The following OR8K3 variants were observed in gnomAD, a reference collection of about 807,000 sequenced individuals.
The protein encoded by OR8K3 is olfactory receptor 8K3.
For missense variants in OR8K3, 448 were observed against 367.4 expected, an observed-to-expected ratio of 1.22 and a Z score of -1.79; for synonymous variants, 167 against 138.8, an observed-to-expected ratio of 1.20 and a Z score of -1.43.
intron 1 of OR8K3, among the ~76,000 whole-genome samples, chr11:56,315,557 T>C (rs987522914): frequency 6.6e-6 from 1 of 152,156 alleles, no homozygotes; most frequent in Non-Finnish European, 1.5e-5. Flanking sequence ...AAACTGCAAC[T>C]ATTTGGTCAG....
Position 56,318,804 on chromosome 11 carries a change from A to T in OR8K3, c.498A>T (p.Leu166Phe). The T allele has an allele frequency of 6.2e-7, 1 of 1,614,080 alleles. No homozygotes were observed. The highest frequency in any genetic ancestry group is 8.5e-7 in the Non-Finnish European group (1 of 1,179,974). The change falls in exon 3 of 3, where the codon TTA (leucine) becomes TTT (phenylalanine). Residue 166 changes from leucine to phenylalanine, a missense_variant. Coordinates refer to ENST00000641662, the MANE Select transcript of OR8K3 (RefSeq NM_001005202.2). ...TAGTCACCATAAAGATTTTTACTTT[A>T]TCCTTCTGTGGCTACAACGTCATTA... ...SLLVTIKIFT[L>F]SFCGYNVISH...
chr11:56,319,326 A>G lies in OR8K3; in HGVS notation c.*81A>G. On this transcript the variant is annotated 3_prime_UTR_variant, in exon 3 of 3. Transcript: ENST00000641662. ...CATACTTCCAGAAGACATAACAAGC[A>G]TAACTGATTCAACATATATTTACAT... is the stretch of plus-strand genomic sequence containing the variant. The G allele has an allele frequency of 1.4e-6, 1 of 703,700 alleles. No individual in the cohort carries two copies. Among genetic ancestry groups the G allele is most frequent in the Non-Finnish European group, 2.4e-6 (1 of 416,120 alleles). 43.6% of individuals were successfully genotyped at this position (703,700 alleles called of 1,614,324 possible). A position where few individuals can be genotyped will look rare whatever the true frequency, so the allele number is the denominator to read the frequency against.
Position 56,320,060 on chromosome 11 carries a change from T to TA in OR8K3, c.*816dup. On this transcript the variant is annotated 3_prime_UTR_variant, in exon 3 of 3. Transcript: ENST00000641662. ...CTTTTTCACAGATTTTCCCGTTATTTATCTAAAAAAAAGTAATAAACTGTG... is the reference window on the plus strand; with the variant it reads ...CTTTTTCACAGATTTTCCCGTTATTTAATCTAAAAAAAAGTAATAAACTGTG... The TA allele has an allele frequency of 6.6e-6, 1 of 152,180 alleles. No homozygotes were observed. Among genetic ancestry groups the TA allele is most frequent in the Non-Finnish European group, 1.5e-5 (1 of 68,026 alleles). The allele number at this position is 152,180 out of a possible 1,614,324, so 9.4% of individuals were successfully genotyped here.
chr11:56,315,512 A>T (rs913922765), intron 1 of OR8K3, among the ~76,000 whole-genome samples: 3 of 152,116 alleles, frequency 2.0e-5, no homozygotes, highest in Non-Finnish European at 2.9e-5. Context: ...GCACAATGAC[A>T]AGGAGATAAA....
Position 56,319,549 on chromosome 11 carries a change from G to C in OR8K3, c.*304G>C, listed in dbSNP as rs1462230086. On this transcript the variant is annotated 3_prime_UTR_variant, in exon 3 of 3. Coordinates refer to ENST00000641662, the MANE Select transcript of OR8K3 (RefSeq NM_001005202.2). ...AAGCTAGTATGCTGGGTGGCAGTAG[G>C]AAACAGTGGTCATTACAGAAGGGAG... The C allele has an allele frequency of 3.7e-6, 1 of 273,950 alleles. No homozygotes were observed. Among genetic ancestry groups the C allele is most frequent in the Non-Finnish European group, 6.9e-6 (1 of 144,434 alleles). 17.0% of individuals were successfully genotyped at this position (273,950 alleles called of 1,614,324 possible).
Position 56,318,569 on chromosome 11 carries a change from A to T in OR8K3, c.263A>T (p.Asp88Val), listed in dbSNP as rs1034673774. 1 of 1,613,278 alleles carries T rather than the reference A, an allele frequency of 6.2e-7. No individual in the cohort carries two copies. The highest frequency in any genetic ancestry group is 1.7e-5 in the Admixed American group (1 of 59,878). ...GPKMLVNFVV[D>V]KNIISYYFCA... ...AAAATGTTAGTAAATTTTGTTGTGG[A>T]TAAGAATATAATTTCTTATTATTTT... The change falls in exon 3 of 3, where the codon GAT becomes GTT. Residue 88 changes from aspartate (D) to valine (V), a missense_variant. By Grantham distance (152) the Asp-to-Val change is radical (BLOSUM62 -3). Transcript: ENST00000641662.
rs115508629 is a variant in OR8K3, at chr11:56,319,283, G to C, written c.*38G>C. 8.1e-7 allele frequency: 1 copy of C among 1,228,346 alleles called. No homozygotes were observed. Among genetic ancestry groups the C allele is most frequent in the South Asian group, 1.4e-5 (1 of 74,036 alleles). The allele number at this position is 1,228,346 out of a possible 1,614,324, so 76.1% of individuals were successfully genotyped here. On this transcript the variant is annotated 3_prime_UTR_variant, in exon 3 of 3. Coordinates refer to ENST00000641662, the MANE Select transcript of OR8K3 (RefSeq NM_001005202.2). ...ATGATTCCTATAAATTAGGTTATGGGCATGAATTTTTGCTCTGCATACTTC... is the reference window on the plus strand; with the variant it reads ...ATGATTCCTATAAATTAGGTTATGGCCATGAATTTTTGCTCTGCATACTTC...
At chr11:56,317,570 G>A (rs368084243) in intron 2 of OR8K3, among the ~76,000 whole-genome samples, 2 of 151,986 alleles carry the variant, frequency 1.3e-5, no homozygotes, top group East Asian at 1.9e-4. Flanking sequence ...AGAGATAAGG[G>A]TATTCACAGG....
rs1854495034 is a variant in OR8K3 at position 56,319,344 on chromosome 11, A to G, written c.*99A>G. The G allele has an allele frequency of 1.6e-6, 1 of 643,798 alleles. No homozygotes were observed. Among genetic ancestry groups the G allele is most frequent in the Non-Finnish European group, 2.7e-6 (1 of 369,146 alleles). The allele number at this position is 643,798 out of a possible 1,614,324, so 39.9% of individuals were successfully genotyped here. A position where few individuals can be genotyped will look rare whatever the true frequency, so the allele number is the denominator to read the frequency against. ...AACAAGCATAACTGATTCAACATAT[A>G]TTTACATATGTCTCATACATGATAG... On this transcript the variant is annotated 3_prime_UTR_variant, in exon 3 of 3. Transcript: ENST00000641662.
intron 2 of OR8K3, among the ~76,000 whole-genome samples, chr11:56,316,572 T>C (rs1854446112): frequency 6.6e-6 from 1 of 152,042 alleles, no homozygotes; most frequent in African/African-American, 2.4e-5. Flanking sequence ...TATTATGTGC[T>C]ATACCATATT....
chr11:56,318,940 C>G lies in OR8K3; in HGVS notation c.634C>G (p.Leu212Val), dbSNP rs1369638632. ...FAAIDLISSL[L>V]IVLLSYLLIL... Reference sequence around the variant, plus strand: ...AGCTATTGATTTGATTTCATCTCTTCTGATAGTTCTTTTATCTTACCTGCT... The same window carrying G: ...AGCTATTGATTTGATTTCATCTCTTGTGATAGTTCTTTTATCTTACCTGCT... Residue 212 changes from leucine to valine, a missense_variant, in exon 3 of 3, where the codon CTG becomes GTG. Physicochemically the swap from Leu to Val is conservative, Grantham distance 32. Transcript: ENST00000641662. The G allele has an allele frequency of 6.2e-7, 1 of 1,614,002 alleles. No individual in the cohort carries two copies. The highest frequency in any genetic ancestry group is 1.7e-5 in the Admixed American group (1 of 59,982).
chr11:56,316,090 A>G (rs138763609), intron 2 of OR8K3, 33 bp downstream of exon 2: 1 of 152,100 alleles, frequency 6.6e-6, no homozygotes, highest in Non-Finnish European at 1.5e-5. Context: ...GCCTTTCTAA[A>G]TTGCCAAACT....
At chr11:56,316,944 T>C (rs1337462852) in intron 2 of OR8K3, among the ~76,000 whole-genome samples, 1 of 151,980 alleles carries the variant, frequency 6.6e-6, no homozygotes, top group Admixed American at 6.6e-5. Flanking sequence ...ATAAAAATAA[T>C]TTATTTAAAA....
rs1854439884 is a variant in OR8K3 at position 56,316,057 on chromosome 11, G to C, written c.-24G>C. Reference sequence around the variant, plus strand: ...TATTTCCTTACCTAACAAGAAAACAGGTACTTATCCATGATATTATTTGCC... The same window carrying C: ...TATTTCCTTACCTAACAAGAAAACACGTACTTATCCATGATATTATTTGCC... On this transcript the variant is annotated splice_region_variant and 5_prime_UTR_variant, in exon 2 of 3. Transcript: ENST00000641662. 6.6e-6 allele frequency: 1 copy of C among 151,868 alleles called. No individual in the cohort carries two copies. The highest frequency in any genetic ancestry group is 1.5e-5 in the Non-Finnish European group (1 of 67,872). 9.4% of individuals were successfully genotyped at this position (151,868 alleles called of 1,614,324 possible).
In OR8K3 at chr11:56,315,707, G is replaced by A. The variant is rs185850317; in HGVS notation, c.-81-293G>A. 3.0e-3 allele frequency among the ~76,000 whole-genome samples: 453 copies of A among 151,872 alleles called. 4 individuals carry two copies. Among genetic ancestry groups the A allele is most frequent in the African/African-American group, 0.011 (448 of 41,458 alleles). On this transcript the variant is annotated intron_variant, in intron 1 of 2. Transcript: ENST00000641662. Reference sequence around the variant, plus strand: ...TCTCACTGCTTGGTGAGTCAAAAAGGGGGTTGCTACCTTACATTCGAATGT... The same window carrying A: ...TCTCACTGCTTGGTGAGTCAAAAAGAGGGTTGCTACCTTACATTCGAATGT...
intron 2 of OR8K3, among the ~76,000 whole-genome samples, chr11:56,316,506 G>A (rs543694835): frequency 3.4e-4 from 52 of 151,628 alleles, no homozygotes; most frequent in Admixed American, 2.7e-3. Flanking sequence ...TTAAATCTGT[G>A]GGTTATTGGG....
chr11:56,319,058 A>T lies in OR8K3; in HGVS notation c.752A>T (p.Tyr251Phe). The change falls in exon 3 of 3, where the codon TAT becomes TTT. Residue 251 changes from tyrosine to phenylalanine, a missense_variant. Physicochemically the swap from Tyr to Phe is conservative, Grantham distance 22. Coordinates refer to ENST00000641662, the MANE Select transcript of OR8K3 (RefSeq NM_001005202.2). ...CACCTGACAGTGGTCATAGTGTTCTATGGGACTTTGCTTTTCATGTACGTG... is the reference window on the plus strand; with the variant it reads ...CACCTGACAGTGGTCATAGTGTTCTTTGGGACTTTGCTTTTCATGTACGTG... ...GAHLTVVIVFYGTLLFMYVQP... is the reference protein window; with the variant it reads ...GAHLTVVIVFFGTLLFMYVQP... 6.2e-7 allele frequency: 1 copy of T among 1,614,118 alleles called. No individual in the cohort carries two copies. The highest frequency in any genetic ancestry group is 8.5e-7 in the Non-Finnish European group (1 of 1,180,004).
chr11:56,317,750 TTTTAAC>T (rs1264512019), intron 2 of OR8K3, among the ~76,000 whole-genome samples: 1 of 152,130 alleles, frequency 6.6e-6, no homozygotes, highest in African/African-American at 2.4e-5. Flanking sequence ...TTAACAATGT[TTTTAAC>T]TTTAAAATTT....
In OR8K3 at chr11:56,318,289, G is replaced by A. The variant is rs768612215; in HGVS notation, c.-18G>A. 8 of 1,568,724 alleles carry A rather than the reference G, an allele frequency of 5.1e-6. No homozygotes were observed. Among genetic ancestry groups the A allele is most frequent in the Non-Finnish European group, 7.0e-6 (8 of 1,141,534 alleles). On this transcript the variant is annotated 5_prime_UTR_variant, in exon 3 of 3. Coordinates refer to ENST00000641662, the MANE Select transcript of OR8K3 (RefSeq NM_001005202.2). The stretch of plus-strand genomic sequence containing the variant: ...AATGCCGATGTCTCTATCAGAATAG[G>A]TTTTCTGATGAACCTGGATGGAACA...
Sources: gnomAD v4.1 joint callset for allele counts (sites outside exome capture counted in the v4.1 genomes callset) on GRCh38, gnomAD v4.1.1 for gene constraint, MANE v1.5 for transcripts, NCBI Gene and HGNC (gene_info 2026-07-23, HGNC 2026-07-21) for gene names.